MYRFL: variants seen among roughly 807,000 people sequenced by gnomAD.
MYRFL encodes myelin regulatory factor like.
Under a neutral mutation model 109.4 loss-of-function variants are expected in MYRFL, and 88 were observed. The observed-to-expected ratio is 0.80, with a 90% confidence interval of 0.68 to 0.96. The LOEUF (loss-of-function observed/expected upper bound fraction) is 0.96, where lower values mean the gene tolerates loss of function less well. Ranked by LOEUF, MYRFL falls within the 40% of genes least tolerant of loss-of-function variation. The pLI, the probability that MYRFL is intolerant of heterozygous loss-of-function variation, is 0.00. For missense variants in MYRFL, 957 were observed against 954.9 expected, an observed-to-expected ratio of 1.00 and a Z score of -0.03; for synonymous variants, 324 against 320.9, an observed-to-expected ratio of 1.01 and a Z score of -0.10.
intron 13 of MYRFL, among the ~76,000 whole-genome samples, chr12:69,912,318 A>G (rs1390143306): frequency 6.6e-6 from 1 of 152,252 alleles, no homozygotes; most frequent in Admixed American, 6.5e-5. Context: ...TACACAAAAC[A>G]TAACATGTAT....
At chr12:69,862,157 T>C (rs1412042338) in intron 2 of MYRFL, among the ~76,000 whole-genome samples, 2 of 151,252 alleles carry the variant, frequency 1.3e-5, no homozygotes, top group Non-Finnish European at 3.0e-5. Context: ...TGTAGCCTTG[T>C]AGTATAGTTT....
intron 23 of MYRFL, 76 bp from the exon 24 acceptor site, chr12:69,958,173 C>T (rs1160346434): frequency 7.6e-7 from 1 of 1,320,816 alleles, no homozygotes; most frequent in African/African-American, 1.5e-5. Flanking sequence ...TGAGGAAATG[C>T]TTTTTCAGCC....
At chr12:69,868,109 C>CTTTT (rs146729804) in intron 2 of MYRFL, among the ~76,000 whole-genome samples, 1 of 135,672 alleles carries the variant, frequency 7.4e-6, no homozygotes, top group Non-Finnish European at 1.6e-5. Context: ...TTTTTTTTTT[C>CTTTT]TTTTTTTTTT....
At chr12:69,926,456 G>T in intron 13 of MYRFL, 115 bp from the exon 14 acceptor site, 1 of 803,730 alleles carries the variant, frequency 1.2e-6, no homozygotes, top group Non-Finnish European at 1.7e-6. Context: ...GAAGATGTGT[G>T]TGTCTGTAAC....
At chr12:69,863,601 A>G (rs1017693146) in intron 2 of MYRFL, among the ~76,000 whole-genome samples, 14 of 152,218 alleles carry the variant, frequency 9.2e-5, no homozygotes, top group African/African-American at 2.9e-4. Context: ...TGTAGCTATC[A>G]TGTGTATTGC....
chr12:69,846,140 G>A (rs1883526552), intron 1 of MYRFL, among the ~76,000 whole-genome samples: 1 of 64,424 alleles, frequency 1.6e-5, no homozygotes, highest in Admixed American at 2.3e-4. Flanking sequence ...TTTTATGACT[G>A]CCACAGTACT....
Position 69,952,887 on chromosome 12 carries a change from G to A in MYRFL, c.2375+1G>A, listed in dbSNP as rs1956015036. The A allele has an allele frequency of 2.0e-6, 3 of 1,532,588 alleles. No individual in the cohort carries two copies. In the South Asian group the frequency reaches 3.6e-5, roughly 18 times the overall value. 94.9% of individuals were successfully genotyped at this position (1,532,588 alleles called of 1,614,324 possible). ...ATTGCATTCAAAGCCTCCAGTGCGGGTAGGTAAGCCTCCCCAGCATGCCCT... is the reference window on the plus strand; with the variant it reads ...ATTGCATTCAAAGCCTCCAGTGCGGATAGGTAAGCCTCCCCAGCATGCCCT... On this transcript the variant is annotated splice_donor_variant, in intron 21 of 24. Transcript: ENST00000552032. LOFTEE classifies it high-confidence loss of function.
chr12:69,936,558 G>A lies in MYRFL; in HGVS notation c.2150G>A (p.Gly717Glu), dbSNP rs189536396. 1 of 1,536,192 alleles carries A rather than the reference G, an allele frequency of 6.5e-7. No homozygotes were observed. Among genetic ancestry groups the A allele is most frequent in the Admixed American group, 2.0e-5 (1 of 51,004 alleles). ...GAGACTTATTGCTGCCCCATCCGGG[G>A]AATGAAAGAAGTCTCTTCAAGTCCT... ...CQETYCCPIRGMKEVSSSPVQ... is the reference protein window; with the variant it reads ...CQETYCCPIREMKEVSSSPVQ... Residue 717 changes from glycine (G) to glutamate (E), a missense_variant, in exon 19 of 25, where the codon GGA becomes GAA. Gly to Glu is a moderately conservative substitution (Grantham distance 98). Transcript: ENST00000552032.
intron 1 of MYRFL, among the ~76,000 whole-genome samples, chr12:69,839,772 A>C (rs1378819817): frequency 6.6e-6 from 1 of 152,216 alleles, no homozygotes; most frequent in East Asian, 1.9e-4. Flanking sequence ...ACCAAGTATT[A>C]TCAATCTTCT....
chr12:69,911,046 C>A (rs1198283521), intron 13 of MYRFL, 116 bp downstream of exon 13: 2 of 614,666 alleles, frequency 3.3e-6, no homozygotes, highest in East Asian at 3.2e-5. Context: ...TAAAATAATT[C>A]TTCACTGAGT....
intron 1 of MYRFL, among the ~76,000 whole-genome samples, chr12:69,842,945 G>A (rs893540500): frequency 3.3e-5 from 5 of 152,038 alleles, no homozygotes; most frequent in African/African-American, 4.8e-5. Flanking sequence ...TTTTATTTCA[G>A]GACACAGAAT....
At position 69,945,758 on chromosome 12, in the gene MYRFL, C is replaced by T. The variant is rs184445437; in HGVS notation, c.2225-6355C>T. Among the ~76,000 whole-genome samples the T allele has an allele frequency of 2.7e-3, 407 of 151,618 alleles. 3 individuals are homozygous for T. Among genetic ancestry groups the T allele is most frequent in the African/African-American group, 8.7e-3 (360 of 41,362 alleles). The stretch of plus-strand genomic sequence containing the variant: ...ATCCCAGCACTTTGGGAGGCCGAGG[C>T]GGGCGGATCACGAGGTCAGGAGATC... On this transcript the variant is annotated intron_variant, in intron 19 of 24. Coordinates refer to ENST00000552032, the MANE Select transcript of MYRFL (RefSeq NM_182530.3).
At position 69,871,151 on chromosome 12, in the gene MYRFL, C is replaced by T. The variant is rs563841225; in HGVS notation, c.138-7877C>T. Among the ~76,000 whole-genome samples, 4 of 152,026 alleles carry T rather than the reference C, an allele frequency of 2.6e-5. No homozygotes were observed. In the South Asian group the frequency reaches 8.3e-4, roughly 32 times the overall value. On this transcript the variant is annotated intron_variant, in intron 2 of 24. Transcript: ENST00000552032. ...GTATATAGCATATAATAGGAGATTA[C>T]CAGCAATCCCCCTGCTCTACCCCTG...
chr12:69,892,282 A>G (rs1240370782), intron 7 of MYRFL, among the ~76,000 whole-genome samples: 1 of 152,228 alleles, frequency 6.6e-6, no homozygotes, highest in African/African-American at 2.4e-5. Flanking sequence ...GTAGTAAATG[A>G]TAGAGCTCGG....
chr12:69,880,416 C>A, intron 5 of MYRFL, 124 bp downstream of exon 5: 4 of 584,708 alleles, frequency 6.8e-6, no homozygotes, highest in Non-Finnish European at 1.2e-5. Flanking sequence ...CAATGATAAG[C>A]TCTGGTAGTT....
chr12:69,911,918 T>C (rs758845368), intron 13 of MYRFL, among the ~76,000 whole-genome samples: 15 of 152,218 alleles, frequency 9.9e-5, no homozygotes, highest in African/African-American at 3.6e-4. Flanking sequence ...TGGATTCTGA[T>C]TCTGCAAGAA....
At chr12:69,858,780 C>T (rs1283812990) in intron 2 of MYRFL, among the ~76,000 whole-genome samples, 2 of 151,720 alleles carry the variant, frequency 1.3e-5, no homozygotes, top group South Asian at 2.1e-4. Flanking sequence ...TTGATTGATT[C>T]AAATAGGTAG....
intron 2 of MYRFL, among the ~76,000 whole-genome samples, chr12:69,867,273 G>T (rs1258708287): frequency 6.6e-6 from 1 of 152,164 alleles, no homozygotes; most frequent in Non-Finnish European, 1.5e-5. Context: ...GAGAGGGGGA[G>T]ATTGGAGAGA....
intron 1 of MYRFL, among the ~76,000 whole-genome samples, chr12:69,843,185 CTTCTT>C (rs66798663): frequency 0.2 from 30,388 of 151,990 alleles, 3,769 homozygotes; most frequent in Middle Eastern, 0.36. Context: ...TCTCCTCTAT[CTTCTT>C]TTCTTCCTCT....
Sources: allele counts gnomAD v4.1 joint callset (sites outside exome capture counted in the v4.1 genomes callset), GRCh38; gene constraint gnomAD v4.1.1; transcripts MANE v1.5; gene names NCBI Gene and HGNC (gene_info 2026-07-23, HGNC 2026-07-21).